Variants in TMEM181 observed in about 807,000 individuals in gnomAD.
TMEM181 encodes the protein G protein-coupled receptor 178.
Under a neutral mutation model 71.9 loss-of-function variants are expected in TMEM181, and 39 were observed. The observed-to-expected ratio is 0.54, with a 90% confidence interval of 0.42 to 0.71. The LOEUF is 0.71. TMEM181 is among the 30% of genes least tolerant of loss of function. TMEM181 has a pLI of 0.00. For synonymous variants in TMEM181, 245 were observed against 228.8 expected (o/e 1.07, Z -0.64); for missense variants, 595 against 583.0 (o/e 1.02, Z -0.21).
At chr6:158,615,768 C>A (rs982862266) in intron 10 of TMEM181, among the ~76,000 whole-genome samples, 1 of 152,124 alleles carries the variant, frequency 6.6e-6, no homozygotes, top group African/African-American at 2.4e-5. Flanking sequence ...TTGTTTTTGT[C>A]AGGTTTGTCA....
At chr6:158,571,038 G>T (rs1782778316) in intron 1 of TMEM181, among the ~76,000 whole-genome samples, 2 of 150,940 alleles carry the variant, frequency 1.3e-5, no homozygotes, top group South Asian at 4.2e-4. Context: ...TCAGCCTCCT[G>T]AACAGCTGAG....
chr6:158,556,853 C>T (rs1218174210), upstream of TMEM181, among the ~76,000 whole-genome samples: 1 of 152,064 alleles, frequency 6.6e-6, no homozygotes, highest in Non-Finnish European at 1.5e-5. Flanking sequence ...ACCTCTGCCT[C>T]CTGGGTTCAA....
rs1235389554 is a variant in TMEM181 at position 158,631,919 on chromosome 6, G to C, written c.*31G>C. The C allele has an allele frequency of 2.6e-6, 4 of 1,554,132 alleles. No homozygotes were observed. In the African/African-American group the frequency reaches 5.4e-5, roughly 21 times the overall value. On this transcript the variant is annotated 3_prime_UTR_variant, in exon 17 of 17. Transcript: ENST00000684151. The stretch of plus-strand genomic sequence containing the variant: ...GGCCAGCCCAGCGAGGCGACAAGAT[G>C]CCTGGATGCTTTCCCCGGTGACCGT...
At chr6:158,629,593 T>G (rs1340182368) in intron 14 of TMEM181, 137 bp from the exon 15 acceptor site, 2 of 683,564 alleles carry the variant, frequency 2.9e-6, no homozygotes, top group Admixed American at 2.6e-5. Context: ...TCCTGACGTC[T>G]GGGTAATGGA....
At chr6:158,595,647 A>G (rs1784348299) in intron 6 of TMEM181, among the ~76,000 whole-genome samples, 1 of 152,244 alleles carries the variant, frequency 6.6e-6, no homozygotes, top group South Asian at 2.1e-4. Context: ...GACTTTCTGA[A>G]GCATAATGTT....
chr6:158,572,697 A>T (rs1782931724), intron 1 of TMEM181, among the ~76,000 whole-genome samples: 2 of 152,180 alleles, frequency 1.3e-5, no homozygotes. Context: ...AAAAGAAATG[A>T]TCCCTGCCTC....
At chr6:158,572,405 A>G (rs1335510644) in intron 1 of TMEM181, 1 of 456,600 alleles carries the variant, frequency 2.2e-6, no homozygotes, top group Non-Finnish European at 4.4e-6. Flanking sequence ...CAAGACCAGA[A>G]CATGCGAGGA....
At chr6:158,613,854 C>T (rs773515797) in intron 10 of TMEM181, among the ~76,000 whole-genome samples, 2 of 152,190 alleles carry the variant, frequency 1.3e-5, no homozygotes, top group African/African-American at 2.4e-5. Flanking sequence ...CTAATATTTA[C>T]AGGAGTATAT....
At chr6:158,583,224 C>T (rs1486797747) in intron 3 of TMEM181, among the ~76,000 whole-genome samples, 1 of 152,146 alleles carries the variant, frequency 6.6e-6, no homozygotes, top group African/African-American at 2.4e-5. Context: ...CAGAGCTAGA[C>T]TCCCGTCTCA....
chr6:158,624,936 G>A (rs1289251079), intron 11 of TMEM181, among the ~76,000 whole-genome samples, 168 bp from the exon 12 acceptor site: 2 of 152,230 alleles, frequency 1.3e-5, no homozygotes, highest in East Asian at 1.9e-4. Context: ...CTCGCAGCGG[G>A]ACTGAGCAGA....
In TMEM181 at chr6:158,634,478, T is replaced by G. The variant is rs1211293826; in HGVS notation, c.*2590T>G. The G allele has an allele frequency of 6.6e-6, 1 of 152,166 alleles. No individual in the cohort carries two copies. Among genetic ancestry groups the G allele is most frequent in the African/African-American group, 2.4e-5 (1 of 41,432 alleles). The allele number at this position is 152,166 out of a possible 1,614,324, so 9.4% of individuals were successfully genotyped here. A position where few individuals can be genotyped will look rare whatever the true frequency, so the allele number is the denominator to read the frequency against. On this transcript the variant is annotated 3_prime_UTR_variant, in exon 17 of 17. Coordinates refer to ENST00000684151, the MANE Select transcript of TMEM181 (RefSeq NM_001376852.1). ...TGGTAATGGCTTGAGTAACATCATC[T>G]TTGGGATTTTTTAAATACTGGTCCA...
intron 1 of TMEM181, among the ~76,000 whole-genome samples, chr6:158,562,466 G>GTGTGTGTGTGTA (rs2093203510): frequency 6.9e-6 from 1 of 144,082 alleles, no homozygotes; most frequent in African/African-American, 2.5e-5. Context: ...GTGTGTGTGT[G>GTGTGTGTGTGTA]TGTGTGTGTC....
intron 1 of TMEM181, among the ~76,000 whole-genome samples, chr6:158,562,085 A>C (rs1340135635): frequency 6.6e-6 from 1 of 152,032 alleles, no homozygotes; most frequent in Non-Finnish European, 1.5e-5. Flanking sequence ...GGGCAGCTCC[A>C]CCACTCTGCT....
intron 5 of TMEM181, among the ~76,000 whole-genome samples, chr6:158,587,197 C>T (rs939519727): frequency 1.3e-5 from 2 of 152,160 alleles, no homozygotes; most frequent in African/African-American, 4.8e-5. Flanking sequence ...AGTGGGTTGC[C>T]CTACCTAAAG....
intron 1 of TMEM181, among the ~76,000 whole-genome samples, chr6:158,547,807 G>C (rs928389831): frequency 1.3e-5 from 2 of 149,078 alleles, no homozygotes; most frequent in African/African-American, 5.0e-5. Context: ...CTGACCTCCT[G>C]GTGCAGGCCC....
At chr6:158,618,735 T>A (rs1785775122) in intron 10 of TMEM181, among the ~76,000 whole-genome samples, 1 of 152,212 alleles carries the variant, frequency 6.6e-6, no homozygotes, top group Admixed American at 6.5e-5. Context: ...GGATTTTATT[T>A]CTCCTTCACT....
intron 1 of TMEM181, among the ~76,000 whole-genome samples, chr6:158,571,198 G>A (rs1301495553): frequency 6.6e-6 from 1 of 152,136 alleles, no homozygotes; most frequent in African/African-American, 2.4e-5. Flanking sequence ...CCGGGTTCGT[G>A]CCATTCTCCC....
intron 1 of TMEM181, among the ~76,000 whole-genome samples, chr6:158,549,429 A>G (rs1781649133): frequency 6.6e-6 from 1 of 152,144 alleles, no homozygotes; most frequent in Non-Finnish European, 1.5e-5. Context: ...TTCTTAACAT[A>G]TAGTAGTAGA....
intron 1 of TMEM181, among the ~76,000 whole-genome samples, chr6:158,552,151 C>A (rs1170177452): frequency 2.0e-5 from 3 of 152,150 alleles, no homozygotes; most frequent in African/African-American, 7.2e-5. Context: ...TTCAGTTTTC[C>A]TGAGTAATCA....
Sources: gnomAD v4.1 joint callset for allele counts (sites outside exome capture counted in the v4.1 genomes callset) on GRCh38, gnomAD v4.1.1 for gene constraint, MANE v1.5 for transcripts, NCBI Gene and HGNC (gene_info 2026-07-23, HGNC 2026-07-21) for gene names.